Variants in GULP1 observed in about 807,000 individuals in gnomAD.
GULP1 encodes the protein PTB domain-containing engulfment adapter protein 1.
GULP1 carries 19 observed loss-of-function variants against 40.9 expected under a neutral mutation model. The observed-to-expected ratio is 0.46, with a 90% CI of 0.32 to 0.68. The LOEUF is 0.68. Ranked by LOEUF, GULP1 falls within the 30% of genes least tolerant of loss-of-function variation. The pLI is 0.03. For missense variants in GULP1, 312 were observed against 362.2 expected, an observed-to-expected ratio of 0.86 and a Z score of 1.12; for synonymous variants, 119 against 117.6, an observed-to-expected ratio of 1.01 and a Z score of -0.08.
chr2:188,431,026 A>G lies in GULP1; in HGVS notation c.-44-46633A>G, dbSNP rs187759021. Among the ~76,000 whole-genome samples, 183 of 152,232 alleles carry G rather than the reference A, an allele frequency of 1.2e-3. 1 individual carries two copies. The highest frequency in any genetic ancestry group is 4.0e-3 in the African/African-American group (166 of 41,560). The stretch of plus-strand genomic sequence containing the variant: ...CTTTATTGACAGTATAAAATTGACA[A>G]TTTACCCTGTATCTTTGGTCTTTCT... On this transcript the variant is annotated intron_variant, in intron 2 of 11. Transcript: ENST00000409830.
chr2:188,392,786 G>A (rs752161736), intron 2 of GULP1, among the ~76,000 whole-genome samples: 13 of 151,788 alleles, frequency 8.6e-5, no homozygotes, highest in Non-Finnish European at 1.9e-4. Context: ...AACTTATGTC[G>A]CTATTATGCT....
chr2:188,516,604 G>A (rs1231232761), intron 4 of GULP1, among the ~76,000 whole-genome samples: 2 of 152,030 alleles, frequency 1.3e-5, no homozygotes, highest in South Asian at 2.1e-4. Flanking sequence ...TTGGTTTAAT[G>A]TTGGCTCTCC....
At chr2:188,379,147 T>C (rs2048689293) in intron 1 of GULP1, among the ~76,000 whole-genome samples, 1 of 152,104 alleles carries the variant, frequency 6.6e-6, no homozygotes, top group South Asian at 2.1e-4. Flanking sequence ...TTCCTGCCCT[T>C]GAGAGCTTCA....
At chr2:188,582,935 C>CT (rs1423018761) in intron 9 of GULP1, among the ~76,000 whole-genome samples, 1 of 152,132 alleles carries the variant, frequency 6.6e-6, no homozygotes, top group Non-Finnish European at 1.5e-5. Flanking sequence ...TGTAGTATCT[C>CT]TTTCAAGGAG....
At chr2:188,531,879 A>G (rs1254050600) in intron 6 of GULP1, among the ~76,000 whole-genome samples, 1 of 152,176 alleles carries the variant, frequency 6.6e-6, no homozygotes, top group African/African-American at 2.4e-5. Flanking sequence ...CTTCTTTTCA[A>G]AATTAAAAGG....
intron 1 of GULP1, among the ~76,000 whole-genome samples, chr2:188,311,109 C>T (rs1056658352): frequency 6.6e-6 from 1 of 152,030 alleles, no homozygotes; most frequent in Non-Finnish European, 1.5e-5. Context: ...AATCCTTGGT[C>T]AAAGGATAAA....
At chr2:188,515,203 A>T (rs1263212160) in intron 4 of GULP1, among the ~76,000 whole-genome samples, 1 of 151,996 alleles carries the variant, frequency 6.6e-6, no homozygotes, top group Admixed American at 6.6e-5. Context: ...TATTTGCTAT[A>T]TCTGGCAACC....
intron 2 of GULP1, among the ~76,000 whole-genome samples, chr2:188,413,948 A>AT (rs2054237819): frequency 6.6e-6 from 1 of 152,060 alleles, no homozygotes; most frequent in African/African-American, 2.4e-5. Flanking sequence ...AGTTGGAATG[A>AT]TTCATTGATT....
chr2:188,390,324 C>T (rs1331903342), intron 2 of GULP1, among the ~76,000 whole-genome samples: 1 of 151,768 alleles, frequency 6.6e-6, no homozygotes, highest in African/African-American at 2.4e-5. Context: ...TCTTGCAGGG[C>T]ATCTCATTGT....
At chr2:188,514,965 A>G (rs1315119446) in intron 4 of GULP1, among the ~76,000 whole-genome samples, 1 of 152,226 alleles carries the variant, frequency 6.6e-6, no homozygotes, top group African/African-American at 2.4e-5. Flanking sequence ...CAGGACAATT[A>G]GATTGTTTCT....
At chr2:188,553,161 T>A (rs1042646543) in intron 7 of GULP1, among the ~76,000 whole-genome samples, 4 of 152,072 alleles carry the variant, frequency 2.6e-5, no homozygotes, top group African/African-American at 4.8e-5. Flanking sequence ...GTTTTCCAAT[T>A]TGGATGCTTT....
intron 9 of GULP1, among the ~76,000 whole-genome samples, chr2:188,579,403 C>A (rs1700820642): frequency 6.6e-6 from 1 of 151,812 alleles, no homozygotes; most frequent in Admixed American, 6.6e-5. Flanking sequence ...TTAAAAATTT[C>A]TATTGATACA....
chr2:188,312,881 T>C (rs2038412409), intron 1 of GULP1, among the ~76,000 whole-genome samples: 1 of 152,314 alleles, frequency 6.6e-6, no homozygotes, highest in East Asian at 1.9e-4. Flanking sequence ...GATGTTGAGC[T>C]TTTTTTCACA....
intron 2 of GULP1, among the ~76,000 whole-genome samples, chr2:188,453,914 CCTTT>C (rs1575360033): frequency 6.6e-6 from 1 of 152,170 alleles, no homozygotes; most frequent in Admixed American, 6.5e-5. Context: ...GTGCTTTTGG[CCTTT>C]CTTTCTTTCC....
intron 4 of GULP1, among the ~76,000 whole-genome samples, chr2:188,484,336 GA>G (rs1483285003): frequency 6.6e-6 from 1 of 152,000 alleles, no homozygotes. Flanking sequence ...ATTTGTTGTT[GA>G]AAAAAATGAG....
chr2:188,318,825 A>G (rs1457215959), intron 1 of GULP1, among the ~76,000 whole-genome samples: 1 of 152,118 alleles, frequency 6.6e-6, no homozygotes, highest in African/African-American at 2.4e-5. Context: ...CGCGCTTCCT[A>G]TGGGGTAGCT....
At chr2:188,559,499 C>T (rs907632550) in intron 7 of GULP1, among the ~76,000 whole-genome samples, 2 of 152,138 alleles carry the variant, frequency 1.3e-5, no homozygotes, top group Non-Finnish European at 2.9e-5. Flanking sequence ...GGGTCAGAGC[C>T]CCCATACAGA....
At chr2:188,316,450 A>G (rs985360736) in intron 1 of GULP1, among the ~76,000 whole-genome samples, 6 of 152,066 alleles carry the variant, frequency 3.9e-5, no homozygotes, top group African/African-American at 1.4e-4. Context: ...TCTCTACTCA[A>G]AACCTTCCAC....
At chr2:188,478,808 TGAATAGTCCA>T (rs2061230513) in intron 3 of GULP1, among the ~76,000 whole-genome samples, 2 of 152,140 alleles carry the variant, frequency 1.3e-5, no homozygotes, top group Admixed American at 6.6e-5. Flanking sequence ...GGATGGATAA[TGAATAGTCCA>T]GAACTATGAC....
Sources: allele counts gnomAD v4.1 joint callset (sites outside exome capture counted in the v4.1 genomes callset), GRCh38; gene constraint gnomAD v4.1.1; transcripts MANE v1.5; gene names NCBI Gene and HGNC (gene_info 2026-07-23, HGNC 2026-07-21).